The following C8orf34 variants were observed in gnomAD, a reference collection of about 807,000 sequenced individuals.
The protein encoded by C8orf34 is chromosome 8 open reading frame 34.
Under a neutral mutation model 68.3 loss-of-function variants are expected in C8orf34, and 65 were observed. The observed-to-expected ratio is 0.95, with a 90% CI of 0.78 to 1.17. The LOEUF (loss-of-function observed/expected upper bound fraction) is 1.17, where lower values mean the gene tolerates loss of function less well. Ranked by LOEUF, C8orf34 falls within the 50% of genes most tolerant of loss-of-function variation. C8orf34 has a pLI of 0.00. For synonymous variants in C8orf34, 244 were observed against 241.2 expected, an observed-to-expected ratio of 1.01 and a Z score of -0.11; for missense variants, 664 against 655.4, an observed-to-expected ratio of 1.01 and a Z score of -0.14.
intron 7 of C8orf34, among the ~76,000 whole-genome samples, chr8:68,611,177 A>C (rs1025660472): frequency 6.6e-6 from 1 of 152,130 alleles, no homozygotes; most frequent in African/African-American, 2.4e-5. Flanking sequence ...AGTGAATCTT[A>C]AGATGAGTTT....
At chr8:68,720,045 G>A (rs1032582509) in intron 9 of C8orf34, among the ~76,000 whole-genome samples, 7 of 151,878 alleles carry the variant, frequency 4.6e-5, no homozygotes, top group African/African-American at 1.7e-4. Context: ...TTCTTTACAA[G>A]TGGATTAATA....
At position 68,427,842 on chromosome 8, in the gene C8orf34, C is replaced by CTTGTGATTG. The variant is rs1400914995; in HGVS notation, c.328-11655_328-11647dup. 2.6e-5 allele frequency among the ~76,000 whole-genome samples: 4 copies of CTTGTGATTG among 151,436 alleles called. No homozygotes were observed. The South Asian group carries it at 8.3e-4, about 32-fold the overall frequency. On this transcript the variant is annotated intron_variant, in intron 1 of 13. Coordinates refer to ENST00000518698, the MANE Select transcript of C8orf34 (RefSeq NM_052958.4). ...CCCTTTGCACATTTCTTTGCAATTT[C>CTTGTGATTG]TTGTGATTGTATAGTTATTTCAAAA... is the stretch of plus-strand genomic sequence containing the variant.
chr8:68,721,511 A>T, intron 10 of C8orf34, 74 bp downstream of exon 10: 1 of 990,864 alleles, frequency 1.0e-6, no homozygotes, highest in South Asian at 1.5e-5. Flanking sequence ...AATCTAAATA[A>T]AATATAATAA....
chr8:68,378,310 CTTATT>C lies in C8orf34; in HGVS notation c.327+46983_327+46987del, dbSNP rs369948113. On this transcript the variant is annotated intron_variant, in intron 1 of 13. Coordinates refer to ENST00000518698, the MANE Select transcript of C8orf34 (RefSeq NM_052958.4). ...GTTTCTCCTACAAGAATGTAAGGAGCTTATTTTATTTTATTTCTTTCTTATTTTTG... is the reference window on the plus strand; with the variant it reads ...GTTTCTCCTACAAGAATGTAAGGAGCTTATTTTATTTCTTTCTTATTTTTG... Among the ~76,000 whole-genome samples the C allele has an allele frequency of 5.3e-5, 8 of 152,188 alleles. 1 individual carries two copies. The highest frequency in any genetic ancestry group is 1.9e-4 in the African/African-American group (8 of 41,524).
intron 12 of C8orf34, chr8:68,790,838 G>T (rs1234259187): frequency 1.4e-6 from 1 of 701,612 alleles, no homozygotes; most frequent in Non-Finnish European, 2.6e-6. Flanking sequence ...GAATCTCTGT[G>T]GCTGGGACTC....
At chr8:68,590,738 C>G (rs1265404187) in intron 7 of C8orf34, among the ~76,000 whole-genome samples, 15 of 152,168 alleles carry the variant, frequency 9.9e-5, no homozygotes, top group Admixed American at 7.9e-4. Flanking sequence ...CAGCGTTTAG[C>G]TCAGAGCTTT....
At chr8:68,731,490 C>T (rs574240475) in intron 10 of C8orf34, among the ~76,000 whole-genome samples, 4 of 152,092 alleles carry the variant, frequency 2.6e-5, no homozygotes, top group Non-Finnish European at 4.4e-5. Context: ...TAGGTTATAT[C>T]GAATGAAAAT....
At chr8:68,369,917 T>C (rs1807485445) in intron 1 of C8orf34, among the ~76,000 whole-genome samples, 2 of 152,094 alleles carry the variant, frequency 1.3e-5, no homozygotes, top group Admixed American at 1.3e-4. Flanking sequence ...GCCTGCAGAG[T>C]CTTCTCTTGC....
intron 4 of C8orf34, among the ~76,000 whole-genome samples, chr8:68,472,220 G>T (rs746848754): frequency 1.3e-5 from 2 of 152,026 alleles, no homozygotes; most frequent in East Asian, 1.9e-4. Flanking sequence ...GTGGGTTTTT[G>T]GTGCCTTGAG....
intron 7 of C8orf34, among the ~76,000 whole-genome samples, chr8:68,581,090 CATAT>C (rs1817050576): frequency 2.0e-5 from 3 of 152,056 alleles, no homozygotes; most frequent in African/African-American, 7.2e-5. Flanking sequence ...AAGAGAAATG[CATAT>C]ACATTTATTT....
intron 1 of C8orf34, among the ~76,000 whole-genome samples, chr8:68,417,068 A>G (rs1462832383): frequency 2.0e-5 from 3 of 152,136 alleles, no homozygotes; most frequent in African/African-American, 7.2e-5. Flanking sequence ...ATTCTCAGCA[A>G]CTGCTATTAA....
chr8:68,683,145 C>A (rs1326214279), intron 8 of C8orf34, among the ~76,000 whole-genome samples: 1 of 151,616 alleles, frequency 6.6e-6, no homozygotes, highest in Non-Finnish European at 1.5e-5. Context: ...AAATCTGGAC[C>A]CCCCAGACTC....
intron 1 of C8orf34, among the ~76,000 whole-genome samples, chr8:68,412,753 C>T (rs150593590): frequency 1.1e-3 from 168 of 152,264 alleles, no homozygotes; most frequent in African/African-American, 3.9e-3. Flanking sequence ...TCTGTAGTCT[C>T]GCTTTCAGCC....
intron 8 of C8orf34, among the ~76,000 whole-genome samples, chr8:68,683,383 C>T (rs969948317): frequency 6.6e-6 from 1 of 151,050 alleles, no homozygotes; most frequent in East Asian, 2.0e-4. Context: ...AATTGATTCC[C>T]GTGAAGAGGA....
At chr8:68,593,145 G>A (rs1369553310) in intron 7 of C8orf34, among the ~76,000 whole-genome samples, 6 of 152,004 alleles carry the variant, frequency 3.9e-5, no homozygotes, top group Non-Finnish European at 5.9e-5. Flanking sequence ...CTTTTACTAT[G>A]TCTGCTTTAT....
chr8:68,590,527 G>T (rs1034797537), intron 7 of C8orf34, among the ~76,000 whole-genome samples: 2 of 152,166 alleles, frequency 1.3e-5, no homozygotes, highest in African/African-American at 4.8e-5. Flanking sequence ...GAGGATGGTG[G>T]AAAGGAGAAG....
chr8:68,752,292 C>G (rs533867495), intron 10 of C8orf34, among the ~76,000 whole-genome samples: 1 of 152,254 alleles, frequency 6.6e-6, no homozygotes, highest in East Asian at 1.9e-4. Flanking sequence ...TTCTATGAGC[C>G]AACAACTCCT....
intron 7 of C8orf34, among the ~76,000 whole-genome samples, chr8:68,636,342 A>AAGGTG (rs994633546): frequency 1.3e-5 from 2 of 151,972 alleles, no homozygotes; most frequent in Admixed American, 6.6e-5. Context: ...TTGTGAGGGC[A>AAGGTG]AGGTGGGCAG....
At chr8:68,619,252 G>A (rs1369177345) in intron 7 of C8orf34, among the ~76,000 whole-genome samples, 1 of 152,148 alleles carries the variant, frequency 6.6e-6, no homozygotes, top group Admixed American at 6.6e-5. Context: ...CTTGAGCCTG[G>A]GAGACAGAGG....
Sources: allele counts gnomAD v4.1 joint callset (sites outside exome capture counted in the v4.1 genomes callset), GRCh38; gene constraint gnomAD v4.1.1; transcripts MANE v1.5; gene names NCBI Gene and HGNC (gene_info 2026-07-23, HGNC 2026-07-21).